The following LMTK3 variants were observed in gnomAD, a reference collection of about 807,000 sequenced individuals.
LMTK3 encodes the protein lemur tail kinase 3, also known as serine/threonine-protein kinase LMTK3.
LMTK3 carries 27 observed loss-of-function variants against 116.7 expected under a neutral mutation model. The observed-to-expected ratio is 0.23, with a 90% CI of 0.17 to 0.32. The LOEUF is 0.32. Ranked by LOEUF, LMTK3 falls within the 10% of genes least tolerant of loss-of-function variation. The pLI is 1.00. For missense variants in LMTK3, 1,764 were observed against 2,068.5 expected (o/e 0.85, Z 2.86); for synonymous variants, 965 against 971.0 (o/e 0.99, Z 0.11).
At chr19:48,506,810 G>A (rs558297726) in intron 5 of LMTK3, among the ~76,000 whole-genome samples, 3 of 152,172 alleles carry the variant, frequency 2.0e-5, no homozygotes, top group South Asian at 2.1e-4. Context: ...GATTACAGGC[G>A]CCTGCCCACC....
At chr19:48,505,491 G>A (rs939276561) in intron 5 of LMTK3, among the ~76,000 whole-genome samples, 1 of 152,156 alleles carries the variant, frequency 6.6e-6, no homozygotes, top group African/African-American at 2.4e-5. Context: ...CTGGGAGGCC[G>A]AGGCAGGAGG....
chr19:48,509,401 C>T (rs1972620767), intron 4 of LMTK3, 36 bp downstream of exon 4: 1 of 1,531,430 alleles, frequency 6.5e-7, no homozygotes, highest in Non-Finnish European at 8.9e-7. Context: ...AGCTCGGGAT[C>T]CATGGAGCCC....
intron 7 of LMTK3, 117 bp from the exon 8 acceptor site, chr19:48,501,679 C>T (rs1286746802): frequency 1.0e-6 from 1 of 996,720 alleles, no homozygotes; most frequent in Non-Finnish European, 1.5e-6. Flanking sequence ...ACTGACTCTG[C>T]CCCTTCCCTC....
intron 4 of LMTK3, 134 bp downstream of exon 4, chr19:48,509,303 G>A: frequency 1.3e-6 from 1 of 761,904 alleles, no homozygotes; most frequent in South Asian, 1.6e-5. Flanking sequence ...GGACGGAGGG[G>A]GGATGGGAGG....
intron 5 of LMTK3, 140 bp from the exon 6 acceptor site, chr19:48,503,136 C>T (rs970366298): frequency 3.1e-6 from 2 of 653,858 alleles, no homozygotes; most frequent in Non-Finnish European, 2.8e-6. Flanking sequence ...CGGAGTCTCG[C>T]TCTGTCGCCC....
At position 48,499,573 on chromosome 19, in the gene LMTK3, G is replaced by A. The variant is rs1279130136; in HGVS notation, c.1496C>T (p.Pro499Leu). The A allele has an allele frequency of 2.6e-6, 4 of 1,525,766 alleles. No homozygotes were observed. Among genetic ancestry groups the A allele is most frequent in the East Asian group, 2.5e-5 (1 of 40,254 alleles). The allele number at this position is 1,525,766 out of a possible 1,614,324, so 94.5% of individuals were successfully genotyped here. A position where few individuals can be genotyped will look rare whatever the true frequency, so the allele number is the denominator to read the frequency against. ...GTGGGGGGCCGGGGGGGCCGACGCC[G>A]GCTGCCAGGCAGGTGCCCCCCCACC... ...GRGGGAPAWQPASAPPAPHAN... is the reference protein window; with the variant it reads ...GRGGGAPAWQLASAPPAPHAN... Residue 499 changes from proline to leucine, a missense_variant, in exon 11 of 15, where the codon CCG (proline) becomes CTG (leucine). This residue lies in a region of LMTK3 where 1,028 missense variants were observed against 1,050.6 expected (regional missense o/e 0.98). Coordinates refer to ENST00000600059, the MANE Select transcript of LMTK3 (RefSeq NM_001388485.1).
Position 48,500,858 on chromosome 19 carries a change from G to C in LMTK3, c.1151+138C>G. On this transcript the variant is annotated intron_variant, in intron 10 of 14. Coordinates refer to ENST00000600059, the MANE Select transcript of LMTK3 (RefSeq NM_001388485.1). The surrounding 1 kb of genome is among the most constrained non-coding windows in gnomAD (Gnocchi z 4.0). ...CAAGTAGCAGATGCTGGCAGAAAGG[G>C]TGGGGACAGCCCCTCTTCACTCTTG... 3.6e-6 allele frequency: 3 copies of C among 833,288 alleles called. No homozygotes were observed. Among genetic ancestry groups the C allele is most frequent in the Non-Finnish European group, 5.3e-6 (3 of 562,246 alleles). The allele number at this position is 833,288 out of a possible 1,614,324, so 51.6% of individuals were successfully genotyped here.
Position 48,491,625 on chromosome 19 carries a change from A to G in LMTK3, c.4093-86T>C. ...TCCCCCAAAAGCAACAAAACCGGCTAATATTTCTGGGGCTCTAGGAATCCC... is the reference window on the plus strand; with the variant it reads ...TCCCCCAAAAGCAACAAAACCGGCTGATATTTCTGGGGCTCTAGGAATCCC... On this transcript the variant is annotated intron_variant, in intron 12 of 14. Transcript: ENST00000600059. The surrounding 1 kb of genome is among the most constrained non-coding windows in gnomAD (Gnocchi z 5.1). 2.5e-6 allele frequency: 3 copies of G among 1,179,076 alleles called. No individual in the cohort carries two copies. Among genetic ancestry groups the G allele is most frequent in the Non-Finnish European group, 3.3e-6 (3 of 920,104 alleles). 73.0% of individuals were successfully genotyped at this position (1,179,076 alleles called of 1,614,324 possible).
chr19:48,488,461 A>G (rs1017148797), intron 14 of LMTK3, among the ~76,000 whole-genome samples: 1 of 151,590 alleles, frequency 6.6e-6, no homozygotes, highest in Non-Finnish European at 1.5e-5. Context: ...TACACCCAAC[A>G]TTGACTTCCC....
intron 5 of LMTK3, among the ~76,000 whole-genome samples, chr19:48,506,882 T>C (rs1294789263): frequency 3.9e-5 from 6 of 152,156 alleles, no homozygotes. Context: ...GCCAGGCTGG[T>C]CTCGAACTCC....
intron 14 of LMTK3, among the ~76,000 whole-genome samples, 172 bp from the exon 15 acceptor site, chr19:48,485,961 G>A (rs1239567237): frequency 6.6e-6 from 1 of 151,500 alleles, no homozygotes; most frequent in Admixed American, 6.6e-5. Context: ...CAGCCACTGG[G>A]CCTCCTGCTG....
rs184770041 is a variant in LMTK3, at chr19:48,489,185, C to T, written c.4366+1923G>A. ...GCCAGGCAGGCTCACCCGTCTTGCT[C>T]CACATTGAATCCCCTGTGCCCAGCA... On this transcript the variant is annotated intron_variant, in intron 14 of 14. Transcript: ENST00000600059. Among the ~76,000 whole-genome samples, 368 of 152,326 alleles carry T rather than the reference C, an allele frequency of 2.4e-3. 3 individuals carry two copies. The highest frequency in any genetic ancestry group is 8.4e-3 in the African/African-American group (349 of 41,572).
At chr19:48,495,498 C>A (rs1366346261) in intron 11 of LMTK3, among the ~76,000 whole-genome samples, 1 of 152,212 alleles carries the variant, frequency 6.6e-6, no homozygotes, top group South Asian at 2.1e-4. Flanking sequence ...GATCCTCTGA[C>A]GCATCTTAGC....
Position 48,497,926 on chromosome 19 carries a change from G to C in LMTK3, c.3143C>G (p.Pro1048Arg). The C allele has an allele frequency of 6.5e-7, 1 of 1,534,088 alleles. No homozygotes were observed. The highest frequency in any genetic ancestry group is 8.7e-7 in the Non-Finnish European group (1 of 1,145,984). Residue 1048 changes from proline (P) to arginine (R), a missense_variant, in exon 11 of 15, where the codon CCA becomes CGA. Physicochemically the swap from Pro to Arg is moderately radical, Grantham distance 103. This residue lies in a region of LMTK3 where 1,028 missense variants were observed against 1,050.6 expected (regional missense o/e 0.98). Coordinates refer to ENST00000600059, the MANE Select transcript of LMTK3 (RefSeq NM_001388485.1). The surrounding 1 kb of genome is among the most constrained non-coding windows in gnomAD (Gnocchi z 5.7). Reference sequence around the variant, plus strand: ...AGGGGCTCTCTCCAGAGAGGTCTCTGGGGCTGGCTCCCCGATCGTGGGGGC... The same window carrying C: ...AGGGGCTCTCTCCAGAGAGGTCTCTCGGGCTGGCTCCCCGATCGTGGGGGC... ...GPAPTIGEPA[P>R]ETSLERAPAP... is the part of the protein sequence containing the mutation.
intron 3 of LMTK3, 50 bp downstream of exon 3, chr19:48,509,973 T>C (rs1464057206): frequency 6.2e-7 from 1 of 1,602,588 alleles, no homozygotes; most frequent in Non-Finnish European, 8.5e-7. Flanking sequence ...CAACATCTTC[T>C]GGCCTTTCCC....
At chr19:48,495,285 C>T (rs1391019936) in intron 11 of LMTK3, among the ~76,000 whole-genome samples, 1 of 152,180 alleles carries the variant, frequency 6.6e-6, no homozygotes, top group Admixed American at 6.5e-5. Context: ...GCTGGGATTA[C>T]AGGTGTGAGC....
At chr19:48,513,188 A>C (rs756803969), upstream of LMTK3, 8 of 1,592,882 alleles carry the variant, frequency 5.0e-6, no homozygotes, top group East Asian at 1.4e-4. The surrounding 1 kb of genome is among the most constrained non-coding windows in gnomAD (Gnocchi z 5.6). Context: ...CACTTGCCTC[A>C]TACAAAAGAT....
In LMTK3 at chr19:48,507,053, A is replaced by G. The variant is rs546302850; in HGVS notation, c.557+1798T>C. Among the ~76,000 whole-genome samples, 12 of 152,264 alleles carry G rather than the reference A, an allele frequency of 7.9e-5. No individual in the cohort carries two copies. In the South Asian group the frequency reaches 2.5e-3, roughly 32 times the overall value. ...GCAGTCTGCCCGCCTTGGCCTCCCA[A>G]AGTGCTAGGATTACAGGCAGGAGCC... is the stretch of plus-strand genomic sequence containing the variant. On this transcript the variant is annotated intron_variant, in intron 5 of 14. Coordinates refer to ENST00000600059, the MANE Select transcript of LMTK3 (RefSeq NM_001388485.1).
chr19:48,485,532 T>G lies in LMTK3; in HGVS notation c.*241A>C. 25 of 485,392 alleles carry G rather than the reference T, an allele frequency of 5.2e-5. No individual in the cohort carries two copies. The highest frequency in any genetic ancestry group is 1.7e-4 in the East Asian group (4 of 23,868). 30.1% of individuals were successfully genotyped at this position (485,392 alleles called of 1,614,324 possible). ...GGCTCTCTATGGAGGGGCGGGGGGA[T>G]TCCTGCCTCATTTGGCTCCGAGGGG... On this transcript the variant is annotated 3_prime_UTR_variant, in exon 15 of 15. Coordinates refer to ENST00000600059, the MANE Select transcript of LMTK3 (RefSeq NM_001388485.1).
Sources: allele counts gnomAD v4.1 joint callset (sites outside exome capture counted in the v4.1 genomes callset), GRCh38; gene constraint gnomAD v4.1.1; regional missense constraint gnomAD v4.1.1; non-coding constraint Gnocchi (gnomAD v3.1); transcripts MANE v1.5; gene names NCBI Gene and HGNC (gene_info 2026-07-23, HGNC 2026-07-21).